Variants in GLI2 observed in about 807,000 individuals in gnomAD.
GLI2 encodes transcription activator GLI2.
A neutral mutation model predicts 78.9 loss-of-function variants in GLI2; 22 were observed. The ratio of observed to expected loss-of-function variants is 0.28; its 90% CI spans 0.20 to 0.40. The LOEUF is 0.40. GLI2 is among the 10% of genes least tolerant of loss of function. The pLI is 1.00. For synonymous variants in GLI2, 974 were observed against 963.7 expected, an observed-to-expected ratio of 1.01 and a Z score of -0.20; for missense variants, 2,097 against 2,213.2, an observed-to-expected ratio of 0.95 and a Z score of 1.05.
intron 2 of GLI2, among the ~76,000 whole-genome samples, chr2:120,886,477 G>C (rs1212210237): frequency 6.6e-6 from 1 of 152,078 alleles, no homozygotes; most frequent in Non-Finnish European, 1.5e-5. Flanking sequence ...ATTTTGCCCA[G>C]GCTGATCTCG....
chr2:120,773,388 T>A (rs1310076590), intron 1 of GLI2, among the ~76,000 whole-genome samples: 15 of 151,922 alleles, frequency 9.9e-5, no homozygotes, highest in Admixed American at 9.2e-4. Flanking sequence ...TCCCACACAT[T>A]ATGTGTGGCA....
Position 120,951,369 on chromosome 2 carries a change from G to A in GLI2, c.381G>A (p.Glu127=), listed in dbSNP as rs368546026. 6.2e-7 allele frequency: 1 copy of A among 1,611,058 alleles called. No individual in the cohort carries two copies. The highest frequency in any genetic ancestry group is 8.5e-7 in the Non-Finnish European group (1 of 1,177,328). Residue 127 remains glutamate (E), a synonymous_variant, in exon 4 of 14, where the codon GAG becomes GAA. Transcript: ENST00000361492. ...APHPYVNPHM[E]HYLRSVHSSP... ...ACCCGTACGTGAACCCCCACATGGAGCACTACCTCCGTTCTGTGCACAGCA... is the reference window on the plus strand; with the variant it reads ...ACCCGTACGTGAACCCCCACATGGAACACTACCTCCGTTCTGTGCACAGCA...
intron 2 of GLI2, among the ~76,000 whole-genome samples, chr2:120,837,371 G>A (rs1431240842): frequency 2.2e-5 from 3 of 137,568 alleles, no homozygotes; most frequent in Non-Finnish European, 4.5e-5. Context: ...TCCAGCCTGG[G>A]CAACAGAGCG....
intron 3 of GLI2, among the ~76,000 whole-genome samples, chr2:120,929,005 C>G (rs1679823100): frequency 6.6e-6 from 1 of 152,154 alleles, no homozygotes; most frequent in African/African-American, 2.4e-5. Context: ...GTTGCCGAGA[C>G]TCCTTCGTCA....
intron 2 of GLI2, among the ~76,000 whole-genome samples, chr2:120,838,935 A>T (rs1272439921): frequency 6.6e-6 from 1 of 152,180 alleles, no homozygotes; most frequent in African/African-American, 2.4e-5. Flanking sequence ...CTCAGCACAT[A>T]TCCCTGTCAT....
At chr2:120,930,462 C>T (rs1050456382) in intron 3 of GLI2, among the ~76,000 whole-genome samples, 9 of 152,238 alleles carry the variant, frequency 5.9e-5, no homozygotes, top group Non-Finnish European at 4.4e-5. Context: ...TCAGGCCCTC[C>T]GCTGCATGCT....
chr2:120,807,868 C>T (rs929295365), intron 2 of GLI2, among the ~76,000 whole-genome samples: 3 of 152,044 alleles, frequency 2.0e-5, no homozygotes, highest in African/African-American at 7.3e-5. Context: ...ACCTCCCCGC[C>T]CCCGCCACCC....
At chr2:120,875,927 G>A (rs902387345) in intron 2 of GLI2, among the ~76,000 whole-genome samples, 5 of 152,214 alleles carry the variant, frequency 3.3e-5, no homozygotes, top group East Asian at 1.9e-4. Context: ...TGGGGATTTC[G>A]TTCTCTTTTA....
intron 1 of GLI2, among the ~76,000 whole-genome samples, chr2:120,762,721 G>C (rs1235780063): frequency 3.3e-5 from 5 of 152,122 alleles, no homozygotes; most frequent in Admixed American, 3.3e-4. Flanking sequence ...CCCTGTCTTC[G>C]ACCATCCCAC....
chr2:120,921,132 G>A (rs77371642), intron 2 of GLI2, among the ~76,000 whole-genome samples: 5,657 of 152,214 alleles, frequency 0.037, 150 homozygotes, highest in Non-Finnish European at 0.056. Context: ...TGTTTCCATC[G>A]GGGGCTGTGG....
intron 12 of GLI2, 100 bp from the exon 13 acceptor site, chr2:120,986,178 C>G: frequency 9.4e-7 from 1 of 1,066,174 alleles, no homozygotes; most frequent in Non-Finnish European, 1.4e-6. Flanking sequence ...CTCAGCCCCT[C>G]AGGGTGGGCG....
intron 2 of GLI2, among the ~76,000 whole-genome samples, chr2:120,874,910 G>C (rs750951358): frequency 1.3e-5 from 2 of 152,194 alleles, no homozygotes; most frequent in Non-Finnish European, 2.9e-5. Flanking sequence ...CCTGGTGCCA[G>C]TCATTTCTAG....
intron 2 of GLI2, among the ~76,000 whole-genome samples, chr2:120,828,422 A>G (rs888647990): frequency 3.9e-5 from 6 of 152,252 alleles, no homozygotes; most frequent in Non-Finnish European, 8.8e-5. Context: ...TTAGAAATTT[A>G]AACCTGATTT....
Position 120,992,647 on chromosome 2 carries a change from T to A in GLI2, c.*1972T>A, listed in dbSNP as rs1179306576. On this transcript the variant is annotated 3_prime_UTR_variant, in exon 14 of 14. Coordinates refer to ENST00000361492, the MANE Select transcript of GLI2 (RefSeq NM_001374353.1). ...GCCTTTGCCAAGAAATGTTTAATGC[T>A]GAGGCATTTACTGGCTGTTTGTTTG... is the stretch of plus-strand genomic sequence containing the variant. 6.6e-6 allele frequency: 1 copy of A among 152,230 alleles called. No homozygotes were observed. 9.4% of individuals were successfully genotyped at this position (152,230 alleles called of 1,614,324 possible).
intron 1 of GLI2, among the ~76,000 whole-genome samples, chr2:120,742,451 G>A (rs1464735041): frequency 6.6e-6 from 1 of 152,186 alleles, no homozygotes; most frequent in Admixed American, 6.5e-5. Context: ...GTACACTTGT[G>A]CTAAGTTGAA....
intron 2 of GLI2, among the ~76,000 whole-genome samples, chr2:120,836,286 A>C (rs888498643): frequency 6.6e-6 from 1 of 152,158 alleles, no homozygotes; most frequent in Non-Finnish European, 1.5e-5. Flanking sequence ...ATGCCCATAC[A>C]GGGTGGGTTT....
intron 1 of GLI2, among the ~76,000 whole-genome samples, chr2:120,773,296 C>T (rs931893420): frequency 2.6e-5 from 4 of 152,120 alleles, no homozygotes; most frequent in Non-Finnish European, 4.4e-5. Context: ...GGTAGGATAT[C>T]GGTGTGCCTG....
intron 1 of GLI2, among the ~76,000 whole-genome samples, chr2:120,780,075 T>C (rs905921819): frequency 1.3e-5 from 2 of 151,834 alleles, no homozygotes; most frequent in Non-Finnish European, 2.9e-5. Context: ...TTTTTTTTTT[T>C]CTTCATGGCA....
chr2:120,965,415 C>T (rs1380474259), intron 5 of GLI2, among the ~76,000 whole-genome samples: 2 of 142,486 alleles, frequency 1.4e-5, no homozygotes, highest in Non-Finnish European at 3.0e-5. Flanking sequence ...GCAGGTGCTG[C>T]AGCAGAGGGG....
Sources: allele counts gnomAD v4.1 joint callset (sites outside exome capture counted in the v4.1 genomes callset), GRCh38; gene constraint gnomAD v4.1.1; transcripts MANE v1.5; gene names NCBI Gene and HGNC (gene_info 2026-07-23, HGNC 2026-07-21).